The following ZFHX3 variants were observed in gnomAD, a reference collection of about 807,000 sequenced individuals.
ZFHX3 encodes zinc finger homeobox 3.
Under a neutral mutation model 279.1 loss-of-function variants are expected in ZFHX3, and 42 were observed. That is an observed-to-expected ratio of 0.15 (90% CI 0.12 to 0.19). The LOEUF (loss-of-function observed/expected upper bound fraction) is 0.19. Among genes scored for constraint, ZFHX3 ranks in the 10% least tolerant of loss-of-function variants. The pLI is 1.00. For synonymous variants in ZFHX3, 2,293 were observed against 1,957.8 expected, an observed-to-expected ratio of 1.17 and a Z score of -4.52; for missense variants, 4,981 against 4,754.0, an observed-to-expected ratio of 1.05 and a Z score of -1.40.
At chr16:73,569,273 G>A (rs1055988433) in intron 2 of ZFHX3, among the ~76,000 whole-genome samples, 11 of 152,134 alleles carry the variant, frequency 7.2e-5, no homozygotes, top group African/African-American at 2.4e-4. Flanking sequence ...GTGGGCTGTG[G>A]ATCCTAGAGT....
At chr16:73,292,768 T>C (rs994492448) in intron 4 of ZFHX3, among the ~76,000 whole-genome samples, 12 of 152,122 alleles carry the variant, frequency 7.9e-5, no homozygotes, top group Admixed American at 3.3e-4. Flanking sequence ...GAGGCCATGG[T>C]GAGGGGTGGC....
chr16:73,543,860 G>GAGAGAGAGAC (rs1221327751), intron 2 of ZFHX3: 4 of 151,032 alleles, frequency 2.6e-5, no homozygotes, highest in African/African-American at 9.9e-5. Flanking sequence ...AGGACAGAGA[G>GAGAGAGAGAC]AGAGGGAGAG....
At chr16:72,971,252 A>G (rs1430149119) in intron 1 of ZFHX3, among the ~76,000 whole-genome samples, 2 of 152,194 alleles carry the variant, frequency 1.3e-5, no homozygotes, top group East Asian at 3.8e-4. Flanking sequence ...CATTTAAACA[A>G]TTCCCAATAT....
chr16:72,853,730 C>T (rs1404002417), intron 4 of ZFHX3, among the ~76,000 whole-genome samples: 1 of 151,314 alleles, frequency 6.6e-6, no homozygotes, highest in Non-Finnish European at 1.5e-5. Context: ...TTCAGGAGGG[C>T]GGGGAAGGAA....
chr16:73,074,907 C>T (rs1401696860), intron 8 of ZFHX3, among the ~76,000 whole-genome samples: 3 of 152,050 alleles, frequency 2.0e-5, no homozygotes, highest in East Asian at 1.9e-4. Flanking sequence ...TCAAGTGATC[C>T]TCCTAAGTAG....
At chr16:73,309,096 A>G (rs1322652445) in intron 4 of ZFHX3, among the ~76,000 whole-genome samples, 1 of 152,194 alleles carries the variant, frequency 6.6e-6, no homozygotes, top group South Asian at 2.1e-4. Flanking sequence ...CTTTTATTTT[A>G]GGTCCAGGGC....
intron 3 of ZFHX3, among the ~76,000 whole-genome samples, chr16:73,336,473 T>C (rs896106366): frequency 6.7e-6 from 1 of 149,544 alleles, no homozygotes; most frequent in Admixed American, 6.8e-5. Context: ...CATTTACAAG[T>C]GAAAACATGT....
chr16:73,647,036 T>C (rs1259699798), intron 2 of ZFHX3, among the ~76,000 whole-genome samples: 1 of 151,364 alleles, frequency 6.6e-6, no homozygotes, highest in Non-Finnish European at 1.5e-5. Flanking sequence ...TTTTTTTTTT[T>C]TGAGACGGAA....
At chr16:73,695,059 C>A (rs896901733) in intron 1 of ZFHX3, among the ~76,000 whole-genome samples, 2 of 152,166 alleles carry the variant, frequency 1.3e-5, no homozygotes, top group African/African-American at 4.8e-5. Flanking sequence ...TATTGCAGAC[C>A]TATTTACACA....
At chr16:73,211,279 A>G (rs943185457) in intron 5 of ZFHX3, among the ~76,000 whole-genome samples, 1 of 152,178 alleles carries the variant, frequency 6.6e-6, no homozygotes, top group Non-Finnish European at 1.5e-5. Context: ...AGCTTGAGCA[A>G]AGTGTGGAAA....
chr16:72,882,172 CTTT>C (rs11298791), intron 4 of ZFHX3, among the ~76,000 whole-genome samples: 79 of 103,762 alleles, frequency 7.6e-4, no homozygotes, highest in Non-Finnish European at 8.5e-4. Context: ...CCCCTTTTTC[CTTT>C]TTTTTTTTTT....
In ZFHX3 at chr16:73,071,883, G is replaced by A. The variant is rs1216120790; in HGVS notation, c.-532-12871C>T. 3.9e-5 allele frequency among the ~76,000 whole-genome samples: 6 copies of A among 152,228 alleles called. No individual in the cohort carries two copies. In the East Asian group the frequency reaches 1.2e-3, roughly 29 times the overall value. On this transcript the variant is annotated intron_variant, in intron 8 of 17. Transcript: ENST00000641206. ...CAGGGTGACACCACTGGGAATCAAA[G>A]GGAACAGCTGTCTCAGGCCAAGGGG... is the stretch of plus-strand genomic sequence containing the variant.
chr16:72,959,874 A>G lies in ZFHX3; in HGVS notation c.272T>C (p.Leu91Pro). ...CNECSASFAS[L>P]QTYMEHHCPS... Reference sequence around the variant, plus strand: ...GCAGTGGTGCTCCATGTAGGTCTGGAGGCTGGCAAAGGAGGCCGAACATTC... The same window carrying G: ...GCAGTGGTGCTCCATGTAGGTCTGGGGGCTGGCAAAGGAGGCCGAACATTC... The change falls in exon 2 of 10, where the codon CTC becomes CCC. Residue 91 changes from leucine to proline, a missense_variant. Around this residue, in one of 7 missense-constraint regions of ZFHX3, gnomAD observed 1,068 missense variants for 935.2 expected, o/e 1.14. Transcript: ENST00000268489. 6.2e-7 allele frequency: 1 copy of G among 1,602,822 alleles called. No homozygotes were observed. The highest frequency in any genetic ancestry group is 8.5e-7 in the Non-Finnish European group (1 of 1,173,562).
intron 1 of ZFHX3, among the ~76,000 whole-genome samples, chr16:73,693,924 G>A (rs2053171829): frequency 6.6e-6 from 1 of 151,680 alleles, no homozygotes; most frequent in Non-Finnish European, 1.5e-5. Flanking sequence ...ACCAAAATAA[G>A]CTCTGCTCTC....
intron 2 of ZFHX3, among the ~76,000 whole-genome samples, chr16:73,559,692 G>A (rs1269526655): frequency 2.0e-5 from 3 of 152,152 alleles, no homozygotes; most frequent in African/African-American, 7.2e-5. Context: ...AAACATAGAA[G>A]ACGACACGGC....
chr16:73,880,587 A>G (rs754263548), intron 1 of ZFHX3, among the ~76,000 whole-genome samples: 2 of 152,164 alleles, frequency 1.3e-5, no homozygotes, highest in Non-Finnish European at 2.9e-5. Flanking sequence ...TTAAAATTGT[A>G]GTGAAGTTCA....
chr16:73,804,874 C>A (rs1270145412), intron 1 of ZFHX3, among the ~76,000 whole-genome samples: 1 of 133,226 alleles, frequency 7.5e-6, no homozygotes, highest in African/African-American at 3.1e-5. Flanking sequence ...TAACACACCA[C>A]ACACACACAC....
At chr16:73,031,839 G>A (rs907765722) in intron 1 of ZFHX3, among the ~76,000 whole-genome samples, 1 of 152,170 alleles carries the variant, frequency 6.6e-6, no homozygotes, top group Non-Finnish European at 1.5e-5. Flanking sequence ...GAGGTGTGGA[G>A]AGAATGGGAG....
At chr16:73,842,181 A>G (rs1224420542) in intron 1 of ZFHX3, among the ~76,000 whole-genome samples, 1 of 151,836 alleles carries the variant, frequency 6.6e-6, no homozygotes, top group Non-Finnish European at 1.5e-5. Flanking sequence ...GCACCACTGC[A>G]CTCCAGCCTG....
Sources: gnomAD v4.1 joint callset for allele counts (sites outside exome capture counted in the v4.1 genomes callset) on GRCh38, gnomAD v4.1.1 for gene constraint, gnomAD v4.1.1 regional missense constraint, MANE v1.5 for transcripts, NCBI Gene and HGNC (gene_info 2026-07-23, HGNC 2026-07-21) for gene names.